CCDC18: variants seen among roughly 807,000 people sequenced by gnomAD.
CCDC18 encodes the protein coiled-coil domain-containing protein 18.
CCDC18 carries 157 observed loss-of-function variants against 196.0 expected under a neutral mutation model. That is an observed-to-expected ratio of 0.80 (90% CI 0.70 to 0.91). The LOEUF (loss-of-function observed/expected upper bound fraction) is 0.91, where lower values mean the gene tolerates loss of function less well. Among genes scored for constraint, CCDC18 ranks in the 40% least tolerant of loss-of-function variants. CCDC18 has a pLI of 0.00. For synonymous variants in CCDC18, 482 were observed against 529.2 expected, an observed-to-expected ratio of 0.91 and a Z score of 1.22; for missense variants, 1,465 against 1,611.6, an observed-to-expected ratio of 0.91 and a Z score of 1.56.
intron 23 of CCDC18, among the ~76,000 whole-genome samples, chr1:93,247,416 GTTT>G (rs933465459): frequency 1.4e-4 from 21 of 151,686 alleles, no homozygotes; most frequent in African/African-American, 4.6e-4. Flanking sequence ...TTTAGTTTTT[GTTT>G]TTGTTTGTGT....
chr1:93,227,277 GCC>G (rs1166681498), intron 17 of CCDC18, among the ~76,000 whole-genome samples: 3 of 137,818 alleles, frequency 2.2e-5, no homozygotes, highest in African/African-American at 9.1e-5. Flanking sequence ...TCTTGCCTCA[GCC>G]CCCTGAGTAG....
At chr1:93,260,600 AAC>A (rs1162373034) in intron 26 of CCDC18, among the ~76,000 whole-genome samples, 3 of 152,102 alleles carry the variant, frequency 2.0e-5, no homozygotes, top group Middle Eastern at 3.2e-3. Flanking sequence ...AATAATTTTT[AAC>A]AGTTTTTTTT....
At chr1:93,236,533 T>A (rs1570504329) in intron 19 of CCDC18, 143 bp downstream of exon 19, 2 of 751,228 alleles carry the variant, frequency 2.7e-6, no homozygotes, top group East Asian at 6.2e-5. Flanking sequence ...TTTGTTTGTA[T>A]TTCCTTCATA....
intron 28 of CCDC18, among the ~76,000 whole-genome samples, chr1:93,276,567 T>G (rs1219117985): frequency 6.6e-6 from 1 of 151,976 alleles, no homozygotes. Context: ...AATAAGAAAT[T>G]AGGAAATTAG....
chr1:93,206,912 A>G lies in CCDC18; in HGVS notation c.918-195A>G, dbSNP rs1380868822. Reference sequence around the variant, plus strand: ...TTTGTGCCTCAGTTACCTCATCTGTAAATAAGAAGTAATAATAGTGCCAAC... The same window carrying G: ...TTTGTGCCTCAGTTACCTCATCTGTGAATAAGAAGTAATAATAGTGCCAAC... On this transcript the variant is annotated intron_variant, in intron 8 of 28. Coordinates refer to ENST00000690025, the MANE Select transcript of CCDC18 (RefSeq NM_001378204.1). 2.6e-5 allele frequency among the ~76,000 whole-genome samples: 4 copies of G among 152,108 alleles called. No individual in the cohort carries two copies. In the South Asian group the frequency reaches 6.2e-4, roughly 24 times the overall value.
chr1:93,197,908 T>C (rs1315623141), intron 6 of CCDC18, among the ~76,000 whole-genome samples: 5 of 152,006 alleles, frequency 3.3e-5, no homozygotes, highest in African/African-American at 7.2e-5. Context: ...CCCACCACCA[T>C]GCCTGGCTAA....
At chr1:93,240,005 C>T (rs1227177240) in intron 21 of CCDC18, 109 bp downstream of exon 21, 2 of 785,348 alleles carry the variant, frequency 2.5e-6, no homozygotes, top group Non-Finnish European at 2.0e-6. Context: ...CTTTGGCTCA[C>T]TTTGGCTCAT....
At chr1:93,260,082 T>C (rs1175134302) in intron 26 of CCDC18, among the ~76,000 whole-genome samples, 1 of 152,174 alleles carries the variant, frequency 6.6e-6, no homozygotes, top group East Asian at 1.9e-4. Context: ...TCTAAGTAGC[T>C]GGGAGTAAAA....
chr1:93,256,888 A>C (rs1663031287), intron 25 of CCDC18, among the ~76,000 whole-genome samples: 1 of 152,132 alleles, frequency 6.6e-6, no homozygotes, highest in Non-Finnish European at 1.5e-5. Context: ...AAATAAAGCT[A>C]ATCTTTTTTG....
intron 6 of CCDC18, among the ~76,000 whole-genome samples, chr1:93,195,367 T>G (rs991979641): frequency 1.3e-5 from 2 of 152,240 alleles, no homozygotes; most frequent in African/African-American, 4.8e-5. Flanking sequence ...AATGGCTTTG[T>G]GTGTTATACC....
rs932362209 is a variant in CCDC18, at chr1:93,210,063, A to C, written c.1210-739A>C. Among the ~76,000 whole-genome samples the C allele has an allele frequency of 2.0e-5, 3 of 152,188 alleles. No homozygotes were observed. The South Asian group carries it at 6.2e-4, about 32-fold the overall frequency. On this transcript the variant is annotated intron_variant, in intron 9 of 28. Coordinates refer to ENST00000690025, the MANE Select transcript of CCDC18 (RefSeq NM_001378204.1). The stretch of plus-strand genomic sequence containing the variant: ...CAGAGTGAGACCCTGTCTCTCAAAA[A>C]AGAATCATTTGAGATATGATTCCGA...
chr1:93,186,260 AT>A (rs1557596086), intron 3 of CCDC18, 84 bp from the exon 4 acceptor site: 1 of 1,260,454 alleles, frequency 7.9e-7, no homozygotes, highest in East Asian at 2.5e-5. Context: ...CATTTTGTTA[AT>A]AATTGCTCAT....
chr1:93,223,009 A>G (rs1162507384), intron 16 of CCDC18, among the ~76,000 whole-genome samples: 1 of 152,190 alleles, frequency 6.6e-6, no homozygotes, highest in African/African-American at 2.4e-5. Flanking sequence ...GTATTCACCA[A>G]AACTCTTAAC....
At chr1:93,228,775 A>C (rs1280460338) in intron 17 of CCDC18, among the ~76,000 whole-genome samples, 1 of 152,066 alleles carries the variant, frequency 6.6e-6, no homozygotes, top group Non-Finnish European at 1.5e-5. Context: ...GCTTCATAAT[A>C]AATAGACTTG....
intron 4 of CCDC18, 99 bp from the exon 5 acceptor site, chr1:93,191,900 GA>G: frequency 1.4e-6 from 1 of 694,358 alleles, no homozygotes; most frequent in Non-Finnish European, 2.5e-6. Context: ...AATGATTTGG[GA>G]GCCCTATTGA....
intron 14 of CCDC18, among the ~76,000 whole-genome samples, chr1:93,218,291 C>T (rs1448886590): frequency 6.6e-6 from 1 of 152,120 alleles, no homozygotes. Flanking sequence ...ATTCCAAGAC[C>T]TTCAGTGAAT....
rs192856217 is a variant in CCDC18, at chr1:93,260,106, G to A, written c.3684+1221G>A. On this transcript the variant is annotated intron_variant, in intron 26 of 28. Coordinates refer to ENST00000690025, the MANE Select transcript of CCDC18 (RefSeq NM_001378204.1). ...CTGGGAGTAAAAGCACACGCCAGCC[G>A]GGCGCAGTGGCTCACACCTGTAATC... Among the ~76,000 whole-genome samples, 217 of 152,240 alleles carry A rather than the reference G, an allele frequency of 1.4e-3. 3 individuals carry two copies. The highest frequency in any genetic ancestry group is 1.6e-3 in the Non-Finnish European group (112 of 68,024).
At chr1:93,213,993 T>G (rs1656086914) in intron 11 of CCDC18, among the ~76,000 whole-genome samples, 1 of 152,234 alleles carries the variant, frequency 6.6e-6, no homozygotes, top group Admixed American at 6.5e-5. Context: ...TCATCTACAT[T>G]ATGCTTTTTA....
rs1665149908 is a variant in CCDC18, at chr1:93,270,598, G to T, written c.4137G>T (p.Lys1379Asn). Residue 1379 changes from lysine (K) to asparagine (N), a missense_variant, in exon 28 of 29, where the codon AAG becomes AAT. Lys to Asn is a moderately conservative substitution (Grantham distance 94). Coordinates refer to ENST00000690025, the MANE Select transcript of CCDC18 (RefSeq NM_001378204.1). ...CTGAAGAATTACTACAGGACTTAAAGAAAATGCAATTAGAACAGCCTTCAA... is the reference window on the plus strand; with the variant it reads ...CTGAAGAATTACTACAGGACTTAAATAAAATGCAATTAGAACAGCCTTCAA... Reference protein sequence around the residue: ...DLSEELLQDLKKMQLEQPSTL... With the variant: ...DLSEELLQDLNKMQLEQPSTL... 1 of 1,550,198 alleles carries T rather than the reference G, an allele frequency of 6.5e-7. No individual in the cohort carries two copies. The highest frequency in any genetic ancestry group is 1.4e-5 in the African/African-American group (1 of 73,008).
Sources: gnomAD v4.1 joint callset for allele counts (sites outside exome capture counted in the v4.1 genomes callset) on GRCh38, gnomAD v4.1.1 for gene constraint, MANE v1.5 for transcripts, NCBI Gene and HGNC (gene_info 2026-07-23, HGNC 2026-07-21) for gene names.